Variants in CACNA1D observed in about 807,000 individuals in gnomAD.
CACNA1D encodes the protein calcium voltage-gated channel subunit alpha1 D.
In CACNA1D, 55 loss-of-function variants were observed where a neutral mutation model predicts 257.1. The observed-to-expected ratio is 0.21, with a 90% CI of 0.17 to 0.27. The LOEUF (loss-of-function observed/expected upper bound fraction) is 0.27. Among genes scored for constraint, CACNA1D ranks in the 10% least tolerant of loss-of-function variants. CACNA1D has a pLI of 1.00. For synonymous variants in CACNA1D, 980 were observed against 1,014.9 expected, an observed-to-expected ratio of 0.97 and a Z score of 0.65; for missense variants, 1,876 against 2,784.0, an observed-to-expected ratio of 0.67 and a Z score of 7.34.
At chr3:53,665,839 T>C (rs369010628) in intron 6 of CACNA1D, 27 bp downstream of exon 6, 29 of 1,597,384 alleles carry the variant, frequency 1.8e-5, no homozygotes, top group Admixed American at 5.1e-5. Flanking sequence ...GTAGCTAACT[T>C]AACTTTAAAA....
chr3:53,683,821 A>G (rs997630436), intron 8 of CACNA1D, among the ~76,000 whole-genome samples: 28 of 152,218 alleles, frequency 1.8e-4, no homozygotes, highest in Admixed American at 1.6e-3. Context: ...TCTGGTGTAT[A>G]TGAAATTGGA....
intron 20 of CACNA1D, among the ~76,000 whole-genome samples, chr3:53,736,345 A>G (rs76839964): frequency 6.7e-6 from 1 of 150,236 alleles, no homozygotes; most frequent in Non-Finnish European, 1.5e-5. Context: ...TGTCTCAAAG[A>G]AAAAAAAAAG....
intron 3 of CACNA1D, among the ~76,000 whole-genome samples, chr3:53,605,740 A>G (rs941525699): frequency 4.6e-5 from 7 of 152,214 alleles, no homozygotes; most frequent in Non-Finnish European, 7.3e-5. Flanking sequence ...ACAGCATCCT[A>G]TGATGCAGGT....
intron 8 of CACNA1D, among the ~76,000 whole-genome samples, chr3:53,701,494 T>C (rs2094625565): frequency 6.6e-6 from 1 of 152,026 alleles, no homozygotes. Context: ...TTGAGTTGGG[T>C]TGGGTTGGCT....
intron 3 of CACNA1D, among the ~76,000 whole-genome samples, chr3:53,611,405 T>G (rs1244150528): frequency 6.6e-6 from 1 of 152,114 alleles, no homozygotes; most frequent in Admixed American, 6.6e-5. Flanking sequence ...AACAAAACTT[T>G]TCTTTGATTC....
chr3:53,565,494 C>G (rs2092818204), intron 3 of CACNA1D, among the ~76,000 whole-genome samples: 1 of 152,130 alleles, frequency 6.6e-6, no homozygotes, highest in Non-Finnish European at 1.5e-5. Flanking sequence ...CTCAAACACA[C>G]ATGATGTAGT....
chr3:53,611,542 A>T (rs1056248889), intron 3 of CACNA1D, among the ~76,000 whole-genome samples: 1 of 151,640 alleles, frequency 6.6e-6, no homozygotes, highest in Admixed American at 6.6e-5. Context: ...GGATTTATTG[A>T]GCTTCTTGGT....
Position 53,497,292 on chromosome 3 carries a change from A to G in CACNA1D, c.208A>G (p.Ser70Gly). The stretch of plus-strand genomic sequence containing the variant: ...ACAGGCCAAGGCTGCCCAAACTATG[A>G]GCACCTCTGCACCCCCACCTGTAGG... ...ARQAKAAQTMSTSAPPPVGSL... is the reference protein window; with the variant it reads ...ARQAKAAQTMGTSAPPPVGSL... Residue 70 changes from serine (S) to glycine (G), a missense_variant, in exon 2 of 48, where the codon AGC becomes GGC. Transcript: ENST00000350061. 1 of 1,614,080 alleles carries G rather than the reference A, an allele frequency of 6.2e-7. No individual in the cohort carries two copies. The highest frequency in any genetic ancestry group is 1.7e-4 in the Middle Eastern group (1 of 6,060).
rs779207160 is a variant in CACNA1D, at chr3:53,651,366, CT to C, written c.623+470del. On this transcript the variant is annotated intron_variant, in intron 4 of 47. Coordinates refer to ENST00000350061, the MANE Select transcript of CACNA1D (RefSeq NM_001128840.3). ...TCCCTTGAGCAAAGCTATTAATTTT[CT>C]TTTTTTTTTTTTTTTTTTTTTGCTG... Among the ~76,000 whole-genome samples the C allele has an allele frequency of 6.1e-3, 495 of 81,806 alleles. 2 individuals carry two copies. The highest frequency in any genetic ancestry group is 0.019 in the African/African-American group (423 of 22,502). The allele number at this position is 81,806 out of a possible 152,430, so 53.7% of individuals were successfully genotyped here.
At chr3:53,618,666 G>A (rs939663706) in intron 3 of CACNA1D, among the ~76,000 whole-genome samples, 3 of 152,168 alleles carry the variant, frequency 2.0e-5, no homozygotes, top group Admixed American at 6.5e-5. Flanking sequence ...GGCTCCACCC[G>A]GTCCTGCTCA....
intron 3 of CACNA1D, among the ~76,000 whole-genome samples, chr3:53,530,848 C>G (rs1263829100): frequency 1.3e-5 from 2 of 151,800 alleles, no homozygotes; most frequent in Admixed American, 6.6e-5. Flanking sequence ...GCACATCCTC[C>G]TTTTCTTTTT....
intron 8 of CACNA1D, among the ~76,000 whole-genome samples, chr3:53,684,030 G>A (rs1007063936): frequency 6.6e-5 from 10 of 152,112 alleles, no homozygotes; most frequent in African/African-American, 2.4e-4. Flanking sequence ...TTAACAGAAA[G>A]CAAATGGGAA....
intron 3 of CACNA1D, among the ~76,000 whole-genome samples, chr3:53,616,300 C>G (rs574401665): frequency 1.3e-4 from 20 of 152,178 alleles, no homozygotes; most frequent in Non-Finnish European, 2.9e-5. Context: ...ATCATCATGT[C>G]TCTGTTTCAG....
chr3:53,665,633 A>C (rs780898613), intron 5 of CACNA1D, 27 bp from the exon 6 acceptor site: 13 of 1,606,064 alleles, frequency 8.1e-6, no homozygotes, highest in Non-Finnish European at 8.5e-7. Context: ...CCTGGCTCAC[A>C]AACTTATTTT....
rs550408884 is a variant in CACNA1D, at chr3:53,797,690, A to G, written c.4924-2559A>G. ...AGACAGTTTTTGTTTCTATTATGCA[A>G]TTATGTTATATGTGTATTTCAGTGA... is the stretch of plus-strand genomic sequence containing the variant. On this transcript the variant is annotated intron_variant, in intron 40 of 47. Transcript: ENST00000350061. 12 of 152,320 alleles carry G rather than the reference A, an allele frequency of 7.9e-5. No individual in the cohort carries two copies. The East Asian group carries it at 2.3e-3, about 29-fold the overall frequency. The allele number at this position is 152,320 out of a possible 1,614,324, so 9.4% of individuals were successfully genotyped here.
chr3:53,580,215 A>G (rs1307119285), intron 3 of CACNA1D, among the ~76,000 whole-genome samples: 1 of 152,334 alleles, frequency 6.6e-6, no homozygotes, highest in African/African-American at 2.4e-5. Flanking sequence ...ATGATGTCCT[A>G]TATGGGAGGC....
At chr3:53,718,468 C>T (rs2094843941) in intron 10 of CACNA1D, 80 bp downstream of exon 10, 1 of 1,330,346 alleles carries the variant, frequency 7.5e-7, no homozygotes. Flanking sequence ...GCCCAGGCTG[C>T]AGCAGAGCCC....
intron 30 of CACNA1D, chr3:53,766,192 G>T (rs751308559): frequency 6.6e-6 from 1 of 152,248 alleles, no homozygotes; most frequent in Non-Finnish European, 1.5e-5. Context: ...GCCTTTTAAG[G>T]TATGCTGTTT....
chr3:53,803,041 G>A (rs1187684310), intron 43 of CACNA1D, among the ~76,000 whole-genome samples: 1 of 152,146 alleles, frequency 6.6e-6, no homozygotes, highest in Non-Finnish European at 1.5e-5. Flanking sequence ...GGCTGGAGCT[G>A]GGGGACTAGA....
Sources: gnomAD v4.1 joint callset for allele counts (sites outside exome capture counted in the v4.1 genomes callset) on GRCh38, gnomAD v4.1.1 for gene constraint, MANE v1.5 for transcripts, NCBI Gene and HGNC (gene_info 2026-07-23, HGNC 2026-07-21) for gene names.